The following ITGB5 variants were observed in gnomAD, a reference collection of about 807,000 sequenced individuals.
The protein encoded by ITGB5 is integrin subunit beta 5.
Under a neutral mutation model 84.8 loss-of-function variants are expected in ITGB5, and 38 were observed. That is an observed-to-expected ratio of 0.45 (90% CI 0.35 to 0.59). The LOEUF (loss-of-function observed/expected upper bound fraction) is 0.59. Among genes scored for constraint, ITGB5 ranks in the 20% least tolerant of loss-of-function variants. The pLI, the probability that ITGB5 is intolerant of heterozygous loss-of-function variation, is 0.01. For synonymous variants in ITGB5, 393 were observed against 414.4 expected, an observed-to-expected ratio of 0.95 and a Z score of 0.63; for missense variants, 905 against 1,034.5, an observed-to-expected ratio of 0.87 and a Z score of 1.72.
chr3:124,776,287 A>G (rs1200675230), intron 10 of ITGB5, among the ~76,000 whole-genome samples: 6 of 152,224 alleles, frequency 3.9e-5, no homozygotes, highest in Non-Finnish European at 8.8e-5. Context: ...CCTTGGCAGC[A>G]GGAACTCCCC....
chr3:124,841,578 T>G (rs1256307556), intron 4 of ITGB5, 27 bp from the exon 5 acceptor site: 1 of 1,606,768 alleles, frequency 6.2e-7, no homozygotes, highest in Non-Finnish European at 8.5e-7. Flanking sequence ...GAAGAGTCAC[T>G]TTTCCATCAT....
At chr3:124,773,346 A>G (rs2063875503) in intron 11 of ITGB5, among the ~76,000 whole-genome samples, 2 of 152,158 alleles carry the variant, frequency 1.3e-5, no homozygotes, top group South Asian at 4.1e-4. Context: ...GAAAGCACAC[A>G]ATAGTACACT....
intron 5 of ITGB5, among the ~76,000 whole-genome samples, chr3:124,825,731 G>A (rs989981990): frequency 6.6e-6 from 1 of 152,190 alleles, no homozygotes; most frequent in Non-Finnish European, 1.5e-5. Context: ...TTTCCGGGGT[G>A]ATGGAAATAA....
chr3:124,817,308 G>A (rs1267554474), intron 8 of ITGB5, among the ~76,000 whole-genome samples: 1 of 152,184 alleles, frequency 6.6e-6, no homozygotes. Flanking sequence ...ACCACTGCCT[G>A]CCTATGCGAG....
intron 8 of ITGB5, among the ~76,000 whole-genome samples, chr3:124,815,699 G>A (rs1481358786): frequency 6.6e-6 from 1 of 152,172 alleles, no homozygotes; most frequent in Non-Finnish European, 1.5e-5. Context: ...GCTCACACCA[G>A]CTCACCCCAG....
intron 3 of ITGB5, among the ~76,000 whole-genome samples, 158 bp downstream of exon 3, chr3:124,859,084 T>A (rs1400784682): frequency 8.5e-5 from 13 of 152,216 alleles, no homozygotes; most frequent in Admixed American, 2.6e-4. Flanking sequence ...AATAAGAATA[T>A]ACTCTGCTTC....
At chr3:124,779,103 C>T (rs982774846) in intron 10 of ITGB5, among the ~76,000 whole-genome samples, 5 of 152,242 alleles carry the variant, frequency 3.3e-5, no homozygotes, top group South Asian at 2.1e-4. Flanking sequence ...CATCAGGACA[C>T]GGGAGCTGGC....
chr3:124,890,703 C>G (rs947664090), upstream of ITGB5, among the ~76,000 whole-genome samples: 1 of 152,044 alleles, frequency 6.6e-6, no homozygotes, highest in African/African-American at 2.4e-5. Context: ...CTTACTAGCC[C>G]CCCTCCTATT....
chr3:124,774,356 T>G (rs972621773), intron 10 of ITGB5, among the ~76,000 whole-genome samples: 1 of 152,170 alleles, frequency 6.6e-6, no homozygotes, highest in African/African-American at 2.4e-5. Context: ...GGGCCCTAAA[T>G]GTAATCACCA....
chr3:124,789,388 C>T (rs4678158), intron 10 of ITGB5, among the ~76,000 whole-genome samples: 31,108 of 137,634 alleles, frequency 0.23, 2,361 homozygotes, highest in African/African-American at 0.33. Flanking sequence ...TTAACAGAAC[C>T]GCCTCTGACT....
intron 11 of ITGB5, 31 bp downstream of exon 11, chr3:124,773,659 A>G: frequency 6.2e-7 from 1 of 1,602,112 alleles, no homozygotes; most frequent in South Asian, 1.1e-5. Flanking sequence ...CTGGGTGAGA[A>G]GTAAGGTGGG....
chr3:124,894,257 C>T (rs1172870877), intron 1 of ITGB5, among the ~76,000 whole-genome samples: 1 of 151,430 alleles, frequency 6.6e-6, no homozygotes, highest in Non-Finnish European at 1.5e-5. Flanking sequence ...CTCAGCCTCC[C>T]ACAGTAGCTG....
intron 3 of ITGB5, among the ~76,000 whole-genome samples, chr3:124,852,569 A>T (rs1343336249): frequency 6.6e-6 from 1 of 152,096 alleles, no homozygotes; most frequent in Non-Finnish European, 1.5e-5. Context: ...TCTGAAATGT[A>T]TTTTTAAAGC....
chr3:124,784,392 C>A (rs1361512511), intron 10 of ITGB5, among the ~76,000 whole-genome samples: 1 of 152,132 alleles, frequency 6.6e-6, no homozygotes, highest in Non-Finnish European at 1.5e-5. Flanking sequence ...GTAGTCCCAG[C>A]TACTTGGAAG....
chr3:124,872,456 A>C (rs1021247748), intron 2 of ITGB5, among the ~76,000 whole-genome samples: 1 of 152,164 alleles, frequency 6.6e-6, no homozygotes, highest in East Asian at 1.9e-4. Flanking sequence ...GAGTCCCCAC[A>C]TGATCATTTT....
intron 10 of ITGB5, among the ~76,000 whole-genome samples, chr3:124,774,848 A>G (rs534997215): frequency 1.2e-4 from 19 of 152,224 alleles, no homozygotes; most frequent in Non-Finnish European, 2.5e-4. Flanking sequence ...CCTTACACGT[A>G]GAAATGGGAT....
intron 5 of ITGB5, among the ~76,000 whole-genome samples, chr3:124,837,906 C>T (rs2064958153): frequency 6.6e-6 from 1 of 152,214 alleles, no homozygotes; most frequent in Non-Finnish European, 1.5e-5. Flanking sequence ...CAACTCCAGC[C>T]CCTATGACGC....
intron 9 of ITGB5, 38 bp downstream of exon 9, chr3:124,808,984 G>C: frequency 1.2e-6 from 2 of 1,602,842 alleles, no homozygotes; most frequent in Non-Finnish European, 1.7e-6. Flanking sequence ...GATGACCAAT[G>C]CTAACAAGAG....
chr3:124,898,773 T>TAAA (rs36079714), intron 1 of ITGB5, among the ~76,000 whole-genome samples: 1,921 of 109,694 alleles, frequency 0.018, 158 homozygotes, highest in African/African-American at 0.065. Context: ...CCCCATGTCT[T>TAAA]AAAAAAAAAA....
Sources: gnomAD v4.1 joint callset for allele counts (sites outside exome capture counted in the v4.1 genomes callset) on GRCh38, gnomAD v4.1.1 for gene constraint, MANE v1.5 for transcripts, NCBI Gene and HGNC (gene_info 2026-07-23, HGNC 2026-07-21) for gene names.